The following FAT3 variants were observed in gnomAD, a reference collection of about 807,000 sequenced individuals.
FAT3 encodes the protein FAT atypical cadherin 3.
FAT3 carries 95 observed loss-of-function variants against 310.2 expected under a neutral mutation model. The ratio of observed to expected loss-of-function variants is 0.31; its 90% CI spans 0.26 to 0.36. The LOEUF (loss-of-function observed/expected upper bound fraction) is 0.36, where lower values mean the gene tolerates loss of function less well. Ranked by LOEUF, FAT3 falls within the 10% of genes least tolerant of loss-of-function variation. FAT3 has a pLI of 1.00. For missense variants in FAT3, 5,408 were observed against 5,715.6 expected (o/e 0.95, Z 1.74); for synonymous variants, 2,314 against 2,192.9 (o/e 1.06, Z -1.54).
intron 3 of FAT3, among the ~76,000 whole-genome samples, chr11:92,652,112 T>G (rs73556430): frequency 0.014 from 2,136 of 152,252 alleles, 67 homozygotes; most frequent in African/African-American, 0.049. Context: ...GTTTTATGTC[T>G]TTTATATACA....
chr11:92,794,904 A>T (rs990384685), intron 9 of FAT3, among the ~76,000 whole-genome samples: 9 of 152,336 alleles, frequency 5.9e-5, no homozygotes, highest in African/African-American at 2.2e-4. Context: ...AGGGTGGGAG[A>T]CAGGCAGATC....
chr11:92,793,024 C>A, intron 9 of FAT3, 47 bp downstream of exon 9: 2 of 1,560,122 alleles, frequency 1.3e-6, no homozygotes, highest in South Asian at 1.1e-5. Flanking sequence ...GCAAGGCATT[C>A]GACCCTCAGT....
At chr11:92,812,616 A>G (rs1947708492) in intron 13 of FAT3, among the ~76,000 whole-genome samples, 1 of 152,080 alleles carries the variant, frequency 6.6e-6, no homozygotes, top group African/African-American at 2.4e-5. Flanking sequence ...CAAGGAAAGA[A>G]AAAAAAACTT....
chr11:92,737,596 C>A (rs1466661746), intron 4 of FAT3, among the ~76,000 whole-genome samples: 2 of 151,794 alleles, frequency 1.3e-5, no homozygotes. Context: ...ACAATAAAGT[C>A]ATGAGGATTA....
chr11:92,356,082 G>GTATTTTCAT (rs1172705825), intron 2 of FAT3, among the ~76,000 whole-genome samples: 2 of 152,190 alleles, frequency 1.3e-5, no homozygotes, highest in African/African-American at 2.4e-5. Context: ...CATTGTTCCA[G>GTATTTTCAT]TATTTTCATC....
intron 2 of FAT3, among the ~76,000 whole-genome samples, chr11:92,476,132 G>A (rs143976666): frequency 6.6e-6 from 1 of 151,850 alleles, no homozygotes; most frequent in East Asian, 1.9e-4. Flanking sequence ...GAGTGTCAGG[G>A]CTGGGTGGGT....
At chr11:92,698,993 G>A (rs1211330296) in intron 4 of FAT3, among the ~76,000 whole-genome samples, 1 of 152,194 alleles carries the variant, frequency 6.6e-6, no homozygotes, top group Non-Finnish European at 1.5e-5. Flanking sequence ...CAGTGTGACT[G>A]TCACAGGACG....
Position 92,831,852 on chromosome 11 carries a change from A to T in FAT3, c.9712A>T (p.Arg3238Trp), listed in dbSNP as rs756987947. 8 of 1,613,724 alleles carry T rather than the reference A, an allele frequency of 5.0e-6. No individual in the cohort carries two copies. The highest frequency in any genetic ancestry group is 6.8e-6 in the Non-Finnish European group (8 of 1,179,808). ...DINDNPPVFE[R>W]RDYLVTVPED... is the part of the protein sequence containing the mutation. ...TAATGACAACCCCCCTGTGTTTGAGAGGAGGGACTACCTGGTGACGGTGCC... is the reference window on the plus strand; with the variant it reads ...TAATGACAACCCCCCTGTGTTTGAGTGGAGGGACTACCTGGTGACGGTGCC... The change falls in exon 14 of 28, where the codon AGG becomes TGG. Residue 3238 changes from arginine (R) to tryptophan (W), a missense_variant. Arg to Trp is a moderately radical substitution (Grantham distance 101, BLOSUM62 -3). Transcript: ENST00000525166.
intron 2 of FAT3, among the ~76,000 whole-genome samples, chr11:92,469,057 A>G (rs1249182202): frequency 2.6e-5 from 4 of 152,220 alleles, no homozygotes; most frequent in Non-Finnish European, 5.9e-5. Context: ...ATAATTTCTC[A>G]GCATGGGTTC....
intron 4 of FAT3, among the ~76,000 whole-genome samples, chr11:92,709,046 G>T (rs1944443235): frequency 6.6e-6 from 1 of 152,160 alleles, no homozygotes; most frequent in Non-Finnish European, 1.5e-5. Context: ...TAGAGCAGTA[G>T]CATTTCCAAG....
In FAT3 at chr11:92,249,349, G is replaced by A. The variant is rs150384646; in HGVS notation, c.-18+24175G>A. Reference sequence around the variant, plus strand: ...TGTGACTTAGGAGAAGGAAAACGCAGAGGCACGTGCAATCTGAAATATGTC... The same window carrying A: ...TGTGACTTAGGAGAAGGAAAACGCAAAGGCACGTGCAATCTGAAATATGTC... On this transcript the variant is annotated intron_variant, in intron 1 of 27. Coordinates refer to ENST00000525166, the MANE Select transcript of FAT3 (RefSeq NM_001367949.2). Among the ~76,000 whole-genome samples, 313 of 152,212 alleles carry A rather than the reference G, an allele frequency of 2.1e-3. 3 individuals carry two copies. Among genetic ancestry groups the A allele is most frequent in the African/African-American group, 6.9e-3 (288 of 41,544 alleles).
intron 4 of FAT3, among the ~76,000 whole-genome samples, chr11:92,721,066 A>T (rs1244056469): frequency 6.6e-6 from 1 of 152,164 alleles, no homozygotes; most frequent in Non-Finnish European, 1.5e-5. Context: ...CAGCCATCAG[A>T]TATTCTTCTT....
At chr11:92,313,638 C>CA (rs1947363782) in intron 1 of FAT3, among the ~76,000 whole-genome samples, 1 of 152,202 alleles carries the variant, frequency 6.6e-6, no homozygotes, top group Non-Finnish European at 1.5e-5. Flanking sequence ...TGGCTCACTG[C>CA]AACCTCCGCC....
At chr11:92,512,859 ACGCCTGTAAT>A (rs1469861702) in intron 2 of FAT3, among the ~76,000 whole-genome samples, 5,908 of 93,682 alleles carry the variant, frequency 0.063, 402 homozygotes, top group South Asian at 0.086. Flanking sequence ...GCGGTGGCTC[ACGCCTGTAAT>A]CCCAGCACTT....
At chr11:92,809,506 A>C (rs1476235046) in intron 12 of FAT3, among the ~76,000 whole-genome samples, 1 of 152,248 alleles carries the variant, frequency 6.6e-6, no homozygotes, top group Non-Finnish European at 1.5e-5. Flanking sequence ...GCAGAAATCC[A>C]GAGACTGATC....
At chr11:92,406,482 A>T (rs558492821) in intron 2 of FAT3, 1 of 152,186 alleles carries the variant, frequency 6.6e-6, no homozygotes, top group Admixed American at 6.5e-5. Flanking sequence ...AAATTCCTTT[A>T]TAAGTAAGTG....
intron 4 of FAT3, among the ~76,000 whole-genome samples, chr11:92,736,576 A>G (rs1945355221): frequency 6.6e-6 from 1 of 152,166 alleles, no homozygotes; most frequent in Non-Finnish European, 1.5e-5. Flanking sequence ...TGCTAGGAAA[A>G]TAAATTAGTT....
At chr11:92,678,062 A>C (rs578084615) in intron 3 of FAT3, among the ~76,000 whole-genome samples, 1 of 152,286 alleles carries the variant, frequency 6.6e-6, no homozygotes, top group East Asian at 1.9e-4. Flanking sequence ...TGTGACTTCA[A>C]AGTTAATTAC....
chr11:92,772,403 A>G (rs1035750597), intron 6 of FAT3, among the ~76,000 whole-genome samples: 3 of 151,998 alleles, frequency 2.0e-5, no homozygotes, highest in African/African-American at 7.2e-5. Context: ...TTTTCAAGAC[A>G]CTCAAATCAG....
Sources: allele counts gnomAD v4.1 joint callset (sites outside exome capture counted in the v4.1 genomes callset), GRCh38; gene constraint gnomAD v4.1.1; transcripts MANE v1.5; gene names NCBI Gene and HGNC (gene_info 2026-07-23, HGNC 2026-07-21).